Variants in ZNF385D observed in about 807,000 individuals in gnomAD.
The protein encoded by ZNF385D is zinc finger protein 385D.
In ZNF385D, 15 loss-of-function variants were observed where a neutral mutation model predicts 35.8. That is an observed-to-expected ratio of 0.42 (90% CI 0.28 to 0.64). The LOEUF (loss-of-function observed/expected upper bound fraction) is 0.64. Among genes scored for constraint, ZNF385D ranks in the 30% least tolerant of loss-of-function variants. The probability of loss-of-function intolerance (pLI) is 0.23; values close to 1 mark genes in which losing one functional copy is unlikely to be tolerated. For missense variants in ZNF385D, 474 were observed against 494.6 expected (o/e 0.96, Z 0.39); for synonymous variants, 212 against 186.8 (o/e 1.13, Z -1.10).
chr3:21,865,194 T>G (rs191280354), intron 3 of ZNF385D, among the ~76,000 whole-genome samples: 239 of 151,802 alleles, frequency 1.6e-3, no homozygotes, highest in African/African-American at 5.6e-3. Context: ...ATTAGAGTAT[T>G]TGCTATGCAT....
In ZNF385D at chr3:21,423,995, T is replaced by G; in HGVS notation, c.922A>C (p.Asn308His). 1.2e-6 allele frequency: 2 copies of G among 1,610,020 alleles called. No individual in the cohort carries two copies. The highest frequency in any genetic ancestry group is 1.7e-6 in the Non-Finnish European group (2 of 1,178,760). ...KPPKPKYSPY[N>H]KLQKTAHPLG... The stretch of plus-strand genomic sequence containing the variant: ...GGATGTGCTGTCTTCTGTAGTTTGT[T>G]GTAAGGACTGTATTTAGGTTTCGGG... The change falls in exon 7 of 8, where the codon AAC becomes CAC. Residue 308 changes from asparagine to histidine, a missense_variant. Physicochemically the swap from Asn to His is moderately conservative, Grantham distance 68 (BLOSUM62 1). Coordinates refer to ENST00000281523, the MANE Select transcript of ZNF385D (RefSeq NM_024697.3).
intron 4 of ZNF385D, among the ~76,000 whole-genome samples, chr3:21,472,514 C>G (rs533436874): frequency 3.3e-5 from 5 of 152,250 alleles, no homozygotes; most frequent in African/African-American, 1.2e-4. Context: ...CCTCTTACCT[C>G]CAATCCATCA....
rs866982725 is a variant in ZNF385D at position 21,581,205 on chromosome 3, T to C, written c.166-16521A>G. ...ATAACGTAGACCTGCTGGCAATGCC[T>C]TACATAATCCAGTGTATTTTATTGT... On this transcript the variant is annotated intron_variant, in intron 2 of 7. Transcript: ENST00000281523. Among the ~76,000 whole-genome samples, 39 of 152,320 alleles carry C rather than the reference T, an allele frequency of 2.6e-4. 2 individuals are homozygous for C. Among genetic ancestry groups the C allele is most frequent in the Middle Eastern group, 6.8e-3 (2 of 294 alleles).
chr3:21,866,814 G>T (rs535632507), intron 3 of ZNF385D, among the ~76,000 whole-genome samples: 1 of 152,080 alleles, frequency 6.6e-6, no homozygotes, highest in African/African-American at 2.4e-5. Context: ...TCAATAATTA[G>T]AATCATCAGG....
chr3:22,077,017 T>A (rs570647040), intron 3 of ZNF385D, among the ~76,000 whole-genome samples: 8 of 152,082 alleles, frequency 5.3e-5, no homozygotes, highest in African/African-American at 1.7e-4. Context: ...TTAGAGGCCA[T>A]GCTTTAAAAA....
At chr3:21,629,735 G>T (rs897282197) in intron 2 of ZNF385D, among the ~76,000 whole-genome samples, 5 of 152,096 alleles carry the variant, frequency 3.3e-5, no homozygotes, top group African/African-American at 1.2e-4. Flanking sequence ...GTTTACCAGA[G>T]AATGGAATCT....
intron 2 of ZNF385D, among the ~76,000 whole-genome samples, chr3:22,307,656 C>A (rs912131750): frequency 2.0e-5 from 3 of 151,726 alleles, no homozygotes; most frequent in African/African-American, 7.3e-5. Flanking sequence ...GTGTGTTGAC[C>A]TAGTGGCAAG....
chr3:21,611,503 C>A (rs2064678329), intron 2 of ZNF385D, among the ~76,000 whole-genome samples: 1 of 152,194 alleles, frequency 6.6e-6, no homozygotes, highest in Non-Finnish European at 1.5e-5. Context: ...AAGTCTTAAT[C>A]TTGGCTGATC....
At chr3:21,522,528 C>T (rs1331237042) in intron 3 of ZNF385D, among the ~76,000 whole-genome samples, 8 of 151,940 alleles carry the variant, frequency 5.3e-5, no homozygotes, top group African/African-American at 1.2e-4. Flanking sequence ...TTAGTAGAGA[C>T]GGGGTTTCAC....
chr3:21,855,839 G>C (rs1696682824), intron 3 of ZNF385D, among the ~76,000 whole-genome samples: 1 of 151,772 alleles, frequency 6.6e-6, no homozygotes, highest in Non-Finnish European at 1.5e-5. Context: ...ATAATGAATT[G>C]TGGTGACAAC....
At chr3:21,461,534 C>G (rs1363261841) in intron 4 of ZNF385D, among the ~76,000 whole-genome samples, 1 of 152,094 alleles carries the variant, frequency 6.6e-6, no homozygotes, top group African/African-American at 2.4e-5. Context: ...GGCAATGGAG[C>G]TAGACTCTAT....
At chr3:22,028,573 TG>T (rs1294190188) in intron 3 of ZNF385D, among the ~76,000 whole-genome samples, 2 of 152,224 alleles carry the variant, frequency 1.3e-5, no homozygotes, top group Non-Finnish European at 2.9e-5. Flanking sequence ...GGTAGAGGTT[TG>T]TCCTCACTGG....
At chr3:21,904,168 G>C (rs1048827343) in intron 3 of ZNF385D, among the ~76,000 whole-genome samples, 7 of 151,842 alleles carry the variant, frequency 4.6e-5, no homozygotes, top group African/African-American at 1.7e-4. Flanking sequence ...GCTGGGTGTG[G>C]TGACAAGTAC....
intron 3 of ZNF385D, among the ~76,000 whole-genome samples, chr3:22,043,894 G>A (rs1025947940): frequency 3.9e-5 from 6 of 152,088 alleles, no homozygotes; most frequent in African/African-American, 1.4e-4. Context: ...GATCATGTAA[G>A]CAAAGAAGTG....
intron 2 of ZNF385D, among the ~76,000 whole-genome samples, chr3:21,634,574 AT>A (rs1234251188): frequency 7.4e-5 from 11 of 149,444 alleles, no homozygotes; most frequent in South Asian, 2.1e-4. Flanking sequence ...ATATTCAAAT[AT>A]TTTTTTAGTC....
chr3:21,499,715 A>G lies in ZNF385D; in HGVS notation c.439+11146T>C, dbSNP rs569367100. 3.2e-3 allele frequency among the ~76,000 whole-genome samples: 488 copies of G among 152,208 alleles called. 1 individual carries two copies. Among genetic ancestry groups the G allele is most frequent in the Non-Finnish European group, 5.4e-3 (369 of 67,998 alleles). ...AATGGGTCAGTATCATTACTGCTAC[A>G]CATTCTGCATTCTGACCTTCATCTT... is the stretch of plus-strand genomic sequence containing the variant. On this transcript the variant is annotated intron_variant, in intron 4 of 7. Coordinates refer to ENST00000281523, the MANE Select transcript of ZNF385D (RefSeq NM_024697.3).
intron 2 of ZNF385D, among the ~76,000 whole-genome samples, chr3:21,597,806 G>T (rs2064168145): frequency 6.6e-6 from 1 of 152,114 alleles, no homozygotes; most frequent in Admixed American, 6.6e-5. Flanking sequence ...TTTTGAATGG[G>T]TGGAAAATGG....
At chr3:22,347,074 C>A (rs1252398719) in intron 2 of ZNF385D, among the ~76,000 whole-genome samples, 1 of 151,798 alleles carries the variant, frequency 6.6e-6, no homozygotes, top group African/African-American at 2.4e-5. Context: ...TAAGACACTG[C>A]AAAAATGAAA....
chr3:22,287,212 T>C (rs547266511), intron 2 of ZNF385D, among the ~76,000 whole-genome samples: 1 of 152,038 alleles, frequency 6.6e-6, no homozygotes, highest in Non-Finnish European at 1.5e-5. Context: ...CTCTTTTCCA[T>C]TGCATAGGAT....
Sources: allele counts gnomAD v4.1 joint callset (sites outside exome capture counted in the v4.1 genomes callset), GRCh38; gene constraint gnomAD v4.1.1; transcripts MANE v1.5; gene names NCBI Gene and HGNC (gene_info 2026-07-23, HGNC 2026-07-21).